LAMA3: variants seen among roughly 807,000 people sequenced by gnomAD.
LAMA3 encodes laminin subunit alpha-3.
In LAMA3, 281 loss-of-function variants were observed where a neutral mutation model predicts 402.0. The ratio of observed to expected loss-of-function variants is 0.70; its 90% CI spans 0.63 to 0.77. LAMA3 has a LOEUF of 0.77. Among genes scored for constraint, LAMA3 ranks in the 30% least tolerant of loss-of-function variants. The probability of loss-of-function intolerance (pLI) is 0.00; values close to 1 mark genes in which losing one functional copy is unlikely to be tolerated. For missense variants in LAMA3, 3,840 were observed against 4,215.5 expected (o/e 0.91, Z 2.47); for synonymous variants, 1,431 against 1,558.4 (o/e 0.92, Z 1.93).
intron 23 of LAMA3, among the ~76,000 whole-genome samples, chr18:23,830,420 C>T (rs1291630287): frequency 6.6e-6 from 1 of 152,182 alleles, no homozygotes; most frequent in Non-Finnish European, 1.5e-5. Context: ...CCTACTCACA[C>T]CTCAACCCAC....
chr18:23,881,965 C>T lies in LAMA3; in HGVS notation c.5142C>T (p.His1714=), dbSNP rs1251183778. 4 of 1,614,018 alleles carry T rather than the reference C, an allele frequency of 2.5e-6. No individual in the cohort carries two copies. The highest frequency in any genetic ancestry group is 1.7e-5 in the Admixed American group (1 of 60,020). The part of the protein sequence containing the change: ...VNCQHNTAGE[H]CERCQEGYYG... ...GTCAGCACAACACCGCGGGAGAGCA[C>T]TGTGAACGCTGCCAGGAGGGCTACT... Residue 1714 remains histidine, a synonymous_variant, in exon 40 of 75, where the codon CAC becomes CAT. Transcript: ENST00000313654.
chr18:23,810,604 G>T, intron 13 of LAMA3, 101 bp downstream of exon 13: 1 of 1,302,726 alleles, frequency 7.7e-7, no homozygotes, highest in South Asian at 1.2e-5. Context: ...CTCACCACTG[G>T]CCACCCCCAC....
intron 44 of LAMA3, among the ~76,000 whole-genome samples, chr18:23,897,205 C>G (rs1232733160): frequency 6.6e-6 from 1 of 152,184 alleles, no homozygotes; most frequent in African/African-American, 2.4e-5. Context: ...GAGATCAGCT[C>G]TAGTCTAGAC....
At chr18:23,908,041 A>C in intron 54 of LAMA3, 106 bp downstream of exon 54, 1 of 1,032,000 alleles carries the variant, frequency 9.7e-7, no homozygotes, top group South Asian at 1.3e-5. Context: ...AGAAACTAAA[A>C]CATTAGAAAA....
At chr18:23,750,635 C>A (rs2061733087) in intron 4 of LAMA3, among the ~76,000 whole-genome samples, 1 of 151,870 alleles carries the variant, frequency 6.6e-6, no homozygotes, top group Non-Finnish European at 1.5e-5. Flanking sequence ...TACAGTCCCA[C>A]AACTACCCTG....
chr18:23,716,313 A>G (rs1598635144), intron 2 of LAMA3, among the ~76,000 whole-genome samples: 1 of 152,154 alleles, frequency 6.6e-6, no homozygotes, highest in East Asian at 1.9e-4. Flanking sequence ...ATGTGCCACC[A>G]TGCCTGGCTA....
Position 23,949,794 on chromosome 18 carries a change from C to T in LAMA3, c.9381C>T (p.Cys3127=). 1.2e-6 allele frequency: 2 copies of T among 1,613,984 alleles called. No individual in the cohort carries two copies. The highest frequency in any genetic ancestry group is 1.1e-5 in the South Asian group (1 of 91,072). ...TCCCCACAAACAGCTTTGTGGGATG[C>T]CTGAAGAACTTTCAGCTGGATTCAA... ...KSLPTNSFVG[C]LKNFQLDSKP... is the part of the protein sequence containing the mutation. Residue 3127 remains cysteine, a synonymous_variant, in exon 71 of 75, where the codon TGC becomes TGT. Coordinates refer to ENST00000313654, the MANE Select transcript of LAMA3 (RefSeq NM_198129.4).
Position 23,837,079 on chromosome 18 carries a change from G to T in LAMA3, c.3083G>T (p.Arg1028Leu), listed in dbSNP as rs200488826. 2.5e-5 allele frequency: 40 copies of T among 1,606,052 alleles called. No individual in the cohort carries two copies. In the East Asian group the frequency reaches 5.6e-4, roughly 22 times the overall value. ...ADIQLKGHMA[R>L]FLLHQVCIIP... ...ATTCAGCTCAAGGGACACATGGCCC[G>T]ATTCCTTCTGGTATGCTTCTGTTTT... Residue 1028 changes from arginine to leucine, a missense_variant, in exon 25 of 75, where the codon CGA (arginine) becomes CTA (leucine). Coordinates refer to ENST00000313654, the MANE Select transcript of LAMA3 (RefSeq NM_198129.4).
At chr18:23,882,383 A>G (rs956975751) in intron 40 of LAMA3, among the ~76,000 whole-genome samples, 3 of 152,136 alleles carry the variant, frequency 2.0e-5, no homozygotes, top group Non-Finnish European at 4.4e-5. Flanking sequence ...TAATCCTAGC[A>G]CTTTAGAGGG....
intron 27 of LAMA3, among the ~76,000 whole-genome samples, chr18:23,841,112 A>G (rs1180124737): frequency 1.3e-5 from 2 of 152,238 alleles, no homozygotes; most frequent in Non-Finnish European, 2.9e-5. Flanking sequence ...ATAAAATCCC[A>G]TATGGGAAAG....
At chr18:23,923,110 T>C (rs188904751) in intron 62 of LAMA3, among the ~76,000 whole-genome samples, 136 of 152,248 alleles carry the variant, frequency 8.9e-4, no homozygotes, top group Non-Finnish European at 9.4e-4. Context: ...AGCATGAACT[T>C]GCAAAGAGCT....
At chr18:23,710,460 C>G (rs1018846775) in intron 1 of LAMA3, among the ~76,000 whole-genome samples, 2 of 152,206 alleles carry the variant, frequency 1.3e-5, no homozygotes, top group African/African-American at 2.4e-5. Flanking sequence ...CGCAAGTCTA[C>G]TTATCTAGGT....
At chr18:23,741,181 G>A (rs909599017) in intron 2 of LAMA3, among the ~76,000 whole-genome samples, 15 of 151,834 alleles carry the variant, frequency 9.9e-5, no homozygotes, top group South Asian at 2.1e-4. Flanking sequence ...GGAGAGTCTC[G>A]ATCTCCTGAC....
intron 48 of LAMA3, among the ~76,000 whole-genome samples, chr18:23,901,533 A>C (rs1164642897): frequency 6.6e-6 from 1 of 152,252 alleles, no homozygotes; most frequent in Non-Finnish European, 1.5e-5. Flanking sequence ...AACTTAAACC[A>C]CAGACAAAGC....
intron 38 of LAMA3, among the ~76,000 whole-genome samples, chr18:23,875,552 C>T (rs1206322076): frequency 6.6e-6 from 1 of 152,112 alleles, no homozygotes; most frequent in African/African-American, 2.4e-5. Context: ...GCACGCTCCC[C>T]TCCCCTGGCT....
chr18:23,801,490 G>A (rs1353752080), intron 12 of LAMA3, among the ~76,000 whole-genome samples: 2 of 152,054 alleles, frequency 1.3e-5, no homozygotes, highest in Non-Finnish European at 1.5e-5. Flanking sequence ...GCATTTTAGA[G>A]CCTAAAAACC....
chr18:23,733,582 A>T (rs907526613), intron 2 of LAMA3, among the ~76,000 whole-genome samples: 3 of 152,190 alleles, frequency 2.0e-5, no homozygotes, highest in Non-Finnish European at 4.4e-5. Flanking sequence ...ATAATTCAAG[A>T]TGAGATCTGG....
chr18:23,904,492 G>A (rs2145153194), intron 50 of LAMA3, 61 bp from the exon 51 acceptor site: 1 of 1,514,464 alleles, frequency 6.6e-7, no homozygotes, highest in Non-Finnish European at 9.0e-7. Flanking sequence ...AAGGTTTGGG[G>A]GGATGTCAGC....
chr18:23,815,684 G>A, intron 17 of LAMA3, 111 bp downstream of exon 17: 1 of 791,392 alleles, frequency 1.3e-6, no homozygotes, highest in Non-Finnish European at 2.2e-6. Flanking sequence ...TGATGGAATG[G>A]CCCTGAAACA....
Sources: allele counts gnomAD v4.1 joint callset (sites outside exome capture counted in the v4.1 genomes callset), GRCh38; gene constraint gnomAD v4.1.1; transcripts MANE v1.5; gene names NCBI Gene and HGNC (gene_info 2026-07-23, HGNC 2026-07-21).